Variants in SPAG16 observed in about 807,000 individuals in gnomAD.
SPAG16 encodes the protein sperm associated antigen 16.
Under a neutral mutation model 80.4 loss-of-function variants are expected in SPAG16, and 86 were observed. That is an observed-to-expected ratio of 1.07 (90% CI 0.90 to 1.28). SPAG16 has a LOEUF of 1.28. Ranked by LOEUF, SPAG16 falls within the 50% of genes most tolerant of loss-of-function variation. SPAG16 has a pLI of 0.00. For synonymous variants in SPAG16, 294 were observed against 265.9 expected (o/e 1.11, Z -1.03); for missense variants, 870 against 765.3 (o/e 1.14, Z -1.61).
At chr2:213,653,944 A>G (rs758539027) in intron 10 of SPAG16, among the ~76,000 whole-genome samples, 7 of 152,140 alleles carry the variant, frequency 4.6e-5, no homozygotes, top group Non-Finnish European at 8.8e-5. Flanking sequence ...AAAATTTTAC[A>G]TTTTTATAAT....
chr2:213,337,876 A>G (rs112122536), intron 5 of SPAG16, among the ~76,000 whole-genome samples: 8,178 of 152,164 alleles, frequency 0.054, 710 homozygotes, highest in African/African-American at 0.18. Context: ...AGACAACCCT[A>G]GTAAGATACT....
chr2:214,349,570 T>C (rs985779957), intron 15 of SPAG16, among the ~76,000 whole-genome samples: 8 of 152,210 alleles, frequency 5.3e-5, no homozygotes, highest in African/African-American at 1.9e-4. Context: ...TGTTAGCATA[T>C]ATCTTCATTT....
In SPAG16 at chr2:213,364,101, A is replaced by G. The variant is rs765326677; in HGVS notation, c.788A>G (p.Lys263Arg). 1.6e-5 allele frequency: 24 copies of G among 1,524,100 alleles called. No homozygotes were observed. The highest frequency in any genetic ancestry group is 2.1e-5 in the Non-Finnish European group (24 of 1,138,910). 94.4% of individuals were successfully genotyped at this position (1,524,100 alleles called of 1,614,324 possible). A position where few individuals can be genotyped will look rare whatever the true frequency, so the allele number is the denominator to read the frequency against. The stretch of plus-strand genomic sequence containing the variant: ...ATTTCTGGACTTCAAGAAACATTGA[A>G]GAAACTGCAAAGAGGACATAGTTAC... Reference protein sequence around the residue: ...GQISGLQETLKKLQRGHSYHG... With the variant: ...GQISGLQETLRKLQRGHSYHG... Residue 263 changes from lysine to arginine, a missense_variant, in exon 8 of 16, where the codon AAG becomes AGG. By Grantham distance (26) the Lys-to-Arg change is conservative (BLOSUM62 2). Coordinates refer to ENST00000331683, the MANE Select transcript of SPAG16 (RefSeq NM_024532.5).
In SPAG16 at chr2:213,421,321, C is replaced by T. The variant is rs115252151; in HGVS notation, c.942+46202C>T. 1.7e-3 allele frequency among the ~76,000 whole-genome samples: 257 copies of T among 152,306 alleles called. 1 individual carries two copies. The highest frequency in any genetic ancestry group is 1.8e-3 in the Admixed American group (27 of 15,304). On this transcript the variant is annotated intron_variant, in intron 9 of 15. Transcript: ENST00000331683. The stretch of plus-strand genomic sequence containing the variant: ...GTGTGCTTGGGGTGGTGCCGACTCA[C>T]CAGTCCCCCGCCATTTGGCCCCCTC...
chr2:213,989,690 A>G (rs932056426), intron 12 of SPAG16, among the ~76,000 whole-genome samples: 4 of 152,154 alleles, frequency 2.6e-5, no homozygotes. Flanking sequence ...AGGCAAATAA[A>G]GAGTTAATAC....
chr2:213,347,452 T>A (rs1386150731), intron 6 of SPAG16, among the ~76,000 whole-genome samples: 1 of 152,234 alleles, frequency 6.6e-6, no homozygotes, highest in Admixed American at 6.5e-5. Context: ...TGCTCTTGCT[T>A]CTCTTGTTCT....
chr2:214,119,968 T>C (rs2054134720), intron 14 of SPAG16, among the ~76,000 whole-genome samples: 1 of 152,014 alleles, frequency 6.6e-6, no homozygotes, highest in Admixed American at 6.6e-5. Flanking sequence ...ATATCTTGCA[T>C]ATTTAGCTTT....
intron 13 of SPAG16, among the ~76,000 whole-genome samples, chr2:214,033,458 G>T (rs1204011426): frequency 6.6e-6 from 1 of 152,132 alleles, no homozygotes; most frequent in Non-Finnish European, 1.5e-5. Flanking sequence ...ACTGAGAGGG[G>T]GCTGGAAGAC....
chr2:213,930,551 ATT>A (rs1421786645), intron 12 of SPAG16, among the ~76,000 whole-genome samples: 1 of 152,086 alleles, frequency 6.6e-6, no homozygotes, highest in Non-Finnish European at 1.5e-5. Context: ...AGAAATAATT[ATT>A]TTCTTTATGC....
At chr2:213,793,641 T>C (rs1002931915) in intron 10 of SPAG16, among the ~76,000 whole-genome samples, 1 of 152,218 alleles carries the variant, frequency 6.6e-6, no homozygotes, top group African/African-American at 2.4e-5. Context: ...CCTACATCTA[T>C]TGTAAGCACT....
intron 10 of SPAG16, among the ~76,000 whole-genome samples, chr2:213,646,504 T>A (rs2062830134): frequency 6.6e-6 from 1 of 152,224 alleles, no homozygotes; most frequent in South Asian, 2.1e-4. Flanking sequence ...CTAGTAAACA[T>A]ATATGAAGAC....
At chr2:213,549,419 C>A (rs756105939) in intron 10 of SPAG16, among the ~76,000 whole-genome samples, 2 of 151,924 alleles carry the variant, frequency 1.3e-5, no homozygotes, top group African/African-American at 2.4e-5. Context: ...TTATTATTTT[C>A]TCTTACTCCT....
chr2:214,055,030 C>T (rs192503116), intron 13 of SPAG16, among the ~76,000 whole-genome samples: 54 of 152,206 alleles, frequency 3.5e-4, no homozygotes, highest in African/African-American at 1.3e-3. Flanking sequence ...GCAGGAGTGA[C>T]ACAGCATATA....
rs2045643941 is a variant in SPAG16 at position 213,980,303 on chromosome 2, ATTCTC to A, written c.1401-33646_1401-33642del. 1.4e-4 allele frequency among the ~76,000 whole-genome samples: 4 copies of A among 27,700 alleles called. 1 individual carries two copies. Among genetic ancestry groups the A allele is most frequent in the African/African-American group, 1.4e-3 (4 of 2,892 alleles). The allele number at this position is 27,700 out of a possible 152,430, so 18.2% of individuals were successfully genotyped here. On this transcript the variant is annotated intron_variant, in intron 12 of 15. Transcript: ENST00000331683. ...ATATAGAATATATGTGTGTATATAT[ATTCTC>A]TATATATATAGAATATATGTGTGTA...
At chr2:214,151,954 T>C (rs546193978) in intron 15 of SPAG16, among the ~76,000 whole-genome samples, 2 of 152,342 alleles carry the variant, frequency 1.3e-5, no homozygotes, top group African/African-American at 4.8e-5. Context: ...TAATAATATT[T>C]AATGTCTCTA....
intron 10 of SPAG16, among the ~76,000 whole-genome samples, chr2:213,541,174 C>T (rs1277683729): frequency 2.0e-5 from 3 of 152,110 alleles, no homozygotes; most frequent in Admixed American, 6.6e-5. Flanking sequence ...CATGAGGAAA[C>T]GGAGGTCTGA....
intron 10 of SPAG16, among the ~76,000 whole-genome samples, chr2:213,832,767 G>C (rs2073746259): frequency 6.6e-6 from 1 of 152,112 alleles, no homozygotes; most frequent in African/African-American, 2.4e-5. Context: ...CTTAAAGATA[G>C]ACAGTTTTCT....
intron 11 of SPAG16, among the ~76,000 whole-genome samples, chr2:213,899,474 G>T (rs2077126953): frequency 1.3e-5 from 2 of 152,026 alleles, no homozygotes; most frequent in Non-Finnish European, 1.5e-5. Context: ...TAGAATATTA[G>T]TAGAAAAAAT....
At chr2:213,793,314 CA>C (rs2070821486) in intron 10 of SPAG16, among the ~76,000 whole-genome samples, 1 of 152,016 alleles carries the variant, frequency 6.6e-6, no homozygotes, top group South Asian at 2.1e-4. Context: ...AACAGTACCC[CA>C]AACATACAAA....
Sources: allele counts gnomAD v4.1 joint callset (sites outside exome capture counted in the v4.1 genomes callset), GRCh38; gene constraint gnomAD v4.1.1; transcripts MANE v1.5; gene names NCBI Gene and HGNC (gene_info 2026-07-23, HGNC 2026-07-21).